The following LDLRAD4 variants were observed in gnomAD, a reference collection of about 807,000 sequenced individuals.
The protein encoded by LDLRAD4 is low-density lipoprotein receptor class A domain-containing protein 4.
Under a neutral mutation model 17.0 loss-of-function variants are expected in LDLRAD4, and 5 were observed. That is an observed-to-expected ratio of 0.29 (90% CI 0.15 to 0.62). LDLRAD4 has a LOEUF of 0.62. Ranked by LOEUF, LDLRAD4 falls within the 20% of genes least tolerant of loss-of-function variation. The pLI is 0.84. For missense variants in LDLRAD4, 340 were observed against 424.7 expected (o/e 0.80, Z 1.75); for synonymous variants, 168 against 171.8 (o/e 0.98, Z 0.17).
chr18:13,305,766 C>T (rs2046875328), intron 1 of LDLRAD4, among the ~76,000 whole-genome samples: 1 of 152,184 alleles, frequency 6.6e-6, no homozygotes, highest in Non-Finnish European at 1.5e-5. Flanking sequence ...ATTTGTGAAG[C>T]CGTCACTGCA....
At chr18:13,330,486 CT>C (rs2143713496) in intron 1 of LDLRAD4, among the ~76,000 whole-genome samples, 1 of 152,184 alleles carries the variant, frequency 6.6e-6, no homozygotes, top group South Asian at 2.1e-4. Context: ...CTGTAGTTGT[CT>C]TCAGAAAACT....
rs549181367 is a variant in LDLRAD4 at position 13,509,324 on chromosome 18, AC to A, written c.181+70941del. On this transcript the variant is annotated intron_variant, in intron 3 of 5. Coordinates refer to ENST00000359446, the Ensembl canonical transcript of LDLRAD4. ...GCAAAACCCTGTCTCAAAGACAGCA[AC>A]AAAAACACAACAGGTATTTGGAAGA... Among the ~76,000 whole-genome samples, 12 of 152,326 alleles carry A rather than the reference AC, an allele frequency of 7.9e-5. No homozygotes were observed. In the East Asian group the frequency reaches 1.3e-3, roughly 17 times the overall value.
intron 3 of LDLRAD4, among the ~76,000 whole-genome samples, chr18:13,569,310 C>G (rs1176489981): frequency 1.3e-5 from 2 of 152,226 alleles, no homozygotes; most frequent in Admixed American, 1.3e-4. Context: ...TAGCTCCATA[C>G]TAGCCCTGCG....
chr18:13,628,888 T>C (rs7233542), intron 4 of LDLRAD4, among the ~76,000 whole-genome samples: 67,999 of 152,004 alleles, frequency 0.45, 17,211 homozygotes, highest in Middle Eastern at 0.58. Flanking sequence ...TGGAGTATAG[T>C]GGCATGATCA....
At chr18:13,332,694 C>A (rs556906478) in intron 1 of LDLRAD4, among the ~76,000 whole-genome samples, 2 of 151,298 alleles carry the variant, frequency 1.3e-5, no homozygotes, top group African/African-American at 4.9e-5. Flanking sequence ...TAGTAATATG[C>A]GTTTCATGTT....
At chr18:13,348,212 T>A (rs6505807) in intron 1 of LDLRAD4, among the ~76,000 whole-genome samples, 3 of 151,928 alleles carry the variant, frequency 2.0e-5, no homozygotes, top group South Asian at 2.1e-4. Flanking sequence ...TTTACCTACC[T>A]TTGGTCTTTG....
intron 3 of LDLRAD4, among the ~76,000 whole-genome samples, chr18:13,539,190 T>C (rs1013318355): frequency 5.3e-5 from 8 of 152,196 alleles, no homozygotes; most frequent in Non-Finnish European, 1.2e-4. Flanking sequence ...TTCCCTGCAA[T>C]GCTTTATTTC....
intron 3 of LDLRAD4, among the ~76,000 whole-genome samples, chr18:13,541,075 A>G (rs901740936): frequency 4.6e-5 from 7 of 152,044 alleles, no homozygotes; most frequent in African/African-American, 1.7e-4. Context: ...AGCTGTGGCA[A>G]CCCTCAGAGG....
rs143617776 is a variant in LDLRAD4, at chr18:13,609,851, G to A, written c.182-11266G>A. Reference sequence around the variant, plus strand: ...ACAAAAATTAGCCCGGCATGTTGGCGCACGCCTGTAATCCCAGCTACTCGG... The same window carrying A: ...ACAAAAATTAGCCCGGCATGTTGGCACACGCCTGTAATCCCAGCTACTCGG... On this transcript the variant is annotated intron_variant, in intron 3 of 5. Transcript: ENST00000359446. Among the ~76,000 whole-genome samples, 19 of 152,212 alleles carry A rather than the reference G, an allele frequency of 1.2e-4. No individual in the cohort carries two copies. In the South Asian group the frequency reaches 2.1e-3, roughly 17 times the overall value.
intron 1 of LDLRAD4, among the ~76,000 whole-genome samples, chr18:13,375,732 C>G (rs1460391515): frequency 2.0e-5 from 3 of 152,180 alleles, no homozygotes; most frequent in Non-Finnish European, 4.4e-5. Flanking sequence ...TTTTCCCTCC[C>G]TTCCCTCTGT....
At chr18:13,612,339 A>C (rs1349278056) in intron 3 of LDLRAD4, 2 of 1,119,606 alleles carry the variant, frequency 1.8e-6, no homozygotes, top group Non-Finnish European at 2.2e-6. Context: ...CTGGGTGTAC[A>C]GCTGGTCTCA....
At chr18:13,513,734 T>G (rs1420582229) in intron 3 of LDLRAD4, among the ~76,000 whole-genome samples, 1 of 152,194 alleles carries the variant, frequency 6.6e-6, no homozygotes, top group Non-Finnish European at 1.5e-5. Flanking sequence ...GTGTTAGAGG[T>G]TACTCATGGA....
At chr18:13,472,312 C>T (rs1272628218) in intron 3 of LDLRAD4, 1 of 152,282 alleles carries the variant, frequency 6.6e-6, no homozygotes, top group East Asian at 1.9e-4. Flanking sequence ...TGGCCTTCCT[C>T]CTTTTCATTC....
At chr18:13,641,664 C>A in intron 4 of LDLRAD4, 1 of 725,696 alleles carries the variant, frequency 1.4e-6, no homozygotes, top group Non-Finnish European at 1.7e-6. Context: ...AGAGGAGCAG[C>A]AGGCGCGCCT....
intron 1 of LDLRAD4, among the ~76,000 whole-genome samples, chr18:13,313,023 A>T (rs62097355): frequency 6.6e-6 from 1 of 151,740 alleles, no homozygotes; most frequent in South Asian, 2.1e-4. Flanking sequence ...CTGGTCACTG[A>T]CTTCGTTAAG....
chr18:13,486,590 T>C (rs1785112), intron 3 of LDLRAD4: 148,840 of 152,350 alleles, frequency 0.98, 72,808 homozygotes, highest in East Asian at 1. Context: ...CAAAGCTGCT[T>C]GTAAGAAGTG....
rs563452127 is a variant in LDLRAD4, at chr18:13,578,691, C to T, written c.182-42426C>T. On this transcript the variant is annotated intron_variant, in intron 3 of 5. Coordinates refer to ENST00000359446, the Ensembl canonical transcript of LDLRAD4. The stretch of plus-strand genomic sequence containing the variant: ...TAAGATGCTGGTGCTGGCTTCTTAG[C>T]GAACCATAATATATTTAGCTTGGAG... Among the ~76,000 whole-genome samples, 34 of 152,096 alleles carry T rather than the reference C, an allele frequency of 2.2e-4. No homozygotes were observed. In the South Asian group the frequency reaches 3.5e-3, roughly 16 times the overall value.
chr18:13,414,394 A>T (rs113695066), intron 2 of LDLRAD4, among the ~76,000 whole-genome samples: 1,537 of 152,360 alleles, frequency 0.01, 32 homozygotes, highest in African/African-American at 0.034. Context: ...TTCCTCATGC[A>T]GTTGGCATCT....
At chr18:13,255,417 C>T (rs965375857) in intron 1 of LDLRAD4, among the ~76,000 whole-genome samples, 1 of 152,212 alleles carries the variant, frequency 6.6e-6, no homozygotes. Flanking sequence ...TGAGGCAACT[C>T]TGTGCAAAGG....
Sources: gnomAD v4.1 joint callset for allele counts (sites outside exome capture counted in the v4.1 genomes callset) on GRCh38, gnomAD v4.1.1 for gene constraint, MANE v1.5 for transcripts, NCBI Gene and HGNC (gene_info 2026-07-23, HGNC 2026-07-21) for gene names.